MCTP2: variants seen among roughly 807,000 people sequenced by gnomAD.
The protein encoded by MCTP2 is multiple C2 and transmembrane domain containing 2.
Under a neutral mutation model 111.6 loss-of-function variants are expected in MCTP2, and 132 were observed. The observed-to-expected ratio is 1.18, with a 90% confidence interval of 1.03 to 1.37. MCTP2 has a LOEUF of 1.37. Among genes scored for constraint, MCTP2 ranks in the 40% most tolerant of loss-of-function variants. The pLI is 0.00. For synonymous variants in MCTP2, 395 were observed against 387.7 expected, an observed-to-expected ratio of 1.02 and a Z score of -0.22; for missense variants, 1,183 against 1,067.9, an observed-to-expected ratio of 1.11 and a Z score of -1.50.
At chr15:94,408,043 CT>C (rs201619501) in intron 17 of MCTP2, among the ~76,000 whole-genome samples, 2,825 of 152,264 alleles carry the variant, frequency 0.019, 48 homozygotes, top group Middle Eastern at 0.041. Context: ...GGTCAAATGT[CT>C]TTTTGATGCT....
intron 10 of MCTP2, among the ~76,000 whole-genome samples, chr15:94,361,231 C>G (rs187561727): frequency 3.1e-4 from 47 of 151,428 alleles, no homozygotes; most frequent in Non-Finnish European, 2.9e-4. Context: ...TATCGTAACT[C>G]TCCTCTCCAA....
chr15:94,318,196 T>A (rs1469159604), intron 4 of MCTP2, among the ~76,000 whole-genome samples: 2 of 152,132 alleles, frequency 1.3e-5, no homozygotes, highest in African/African-American at 4.8e-5. Flanking sequence ...AGAGTGTGTA[T>A]TTTACATTAC....
intron 14 of MCTP2, among the ~76,000 whole-genome samples, chr15:94,386,792 A>C (rs999216430): frequency 2.0e-5 from 3 of 148,344 alleles, no homozygotes; most frequent in African/African-American, 7.3e-5. Context: ...TTGCTTGGTG[A>C]ACATGACTTA....
chr15:94,319,357 C>G lies in MCTP2; in HGVS notation c.637+3720C>G, dbSNP rs925452015. On this transcript the variant is annotated intron_variant, in intron 4 of 22. Coordinates refer to ENST00000357742, the MANE Select transcript of MCTP2 (RefSeq NM_001385001.1). ...ATACAGCATTATTTTCTACAAAACC[C>G]AACCCAGACTCAGAAGTTTTATCTA... 3.9e-5 allele frequency among the ~76,000 whole-genome samples: 6 copies of G among 152,288 alleles called. No homozygotes were observed. The South Asian group carries it at 1.2e-3, about 32-fold the overall frequency.
intron 19 of MCTP2, among the ~76,000 whole-genome samples, chr15:94,444,645 ATAT>A (rs1252990621): frequency 6.6e-6 from 1 of 152,214 alleles, no homozygotes; most frequent in East Asian, 1.9e-4. Context: ...ACCAAACCAA[ATAT>A]TATAGCAAAA....
chr15:94,242,026 G>T (rs2071004766), intron 1 of MCTP2, among the ~76,000 whole-genome samples: 1 of 152,110 alleles, frequency 6.6e-6, no homozygotes, highest in African/African-American at 2.4e-5. Context: ...GGAGAGAAAA[G>T]GTTCCAAATT....
intron 1 of MCTP2, among the ~76,000 whole-genome samples, chr15:94,289,145 G>A (rs2074914376): frequency 6.6e-6 from 1 of 152,156 alleles, no homozygotes. Flanking sequence ...AAGAAGCTAA[G>A]CTAACCCCAA....
At chr15:94,460,802 G>C (rs1236253442) in intron 20 of MCTP2, among the ~76,000 whole-genome samples, 1 of 152,192 alleles carries the variant, frequency 6.6e-6, no homozygotes, top group Non-Finnish European at 1.5e-5. Flanking sequence ...GCACAGGAAG[G>C]CTGCTAAGGC....
intron 16 of MCTP2, among the ~76,000 whole-genome samples, chr15:94,400,511 C>A (rs2152474239): frequency 6.6e-6 from 1 of 152,144 alleles, no homozygotes; most frequent in Non-Finnish European, 1.5e-5. Flanking sequence ...ATACTGAATG[C>A]AAGTTCTCTC....
At chr15:94,310,953 A>C (rs2076100128) in intron 2 of MCTP2, among the ~76,000 whole-genome samples, 1 of 151,488 alleles carries the variant, frequency 6.6e-6, no homozygotes, top group South Asian at 2.1e-4. Context: ...AAAACAAACA[A>C]ACAAACATAA....
In MCTP2 at chr15:94,339,424, C is replaced by T. The variant is rs777266313; in HGVS notation, c.772C>T (p.Arg258Cys). 1.3e-5 allele frequency: 20 copies of T among 1,594,820 alleles called. No individual in the cohort carries two copies. The highest frequency in any genetic ancestry group is 9.1e-5 in the South Asian group (8 of 88,210). ...LPIQSLDQKL[R>C]VKVYDRDLTT... ...AATCCAAAGCCTTGATCAAAAGCTA[C>T]GTGTGAAGGTAATCACAGATAGCTT... The change falls in exon 5 of 23, where the codon CGT becomes TGT. Residue 258 changes from arginine (R) to cysteine (C), a missense_variant. Transcript: ENST00000357742.
At chr15:94,351,406 A>G (rs2078294884) in intron 8 of MCTP2, among the ~76,000 whole-genome samples, 1 of 152,206 alleles carries the variant, frequency 6.6e-6, no homozygotes, top group Non-Finnish European at 1.5e-5. Flanking sequence ...TTTCAGTGAA[A>G]CATTTTATAG....
intron 1 of MCTP2, among the ~76,000 whole-genome samples, chr15:94,244,832 A>C (rs1295640126): frequency 1.4e-5 from 2 of 138,658 alleles, no homozygotes; most frequent in Non-Finnish European, 3.1e-5. Flanking sequence ...ATATGCACCT[A>C]TGTTTATATA....
At position 94,367,602 on chromosome 15, in the gene MCTP2, T is replaced by C; in HGVS notation, c.1302-3T>C. On this transcript the variant is annotated splice_polypyrimidine_tract_variant and splice_region_variant and intron_variant, in intron 10 of 22. Coordinates refer to ENST00000357742, the MANE Select transcript of MCTP2 (RefSeq NM_001385001.1). Reference sequence around the variant, plus strand: ...TCTCTCTTGATTCCTGAAACTTTTCTAGGTGTAAAGTGGATATCTCGGCAC... The same window carrying C: ...TCTCTCTTGATTCCTGAAACTTTTCCAGGTGTAAAGTGGATATCTCGGCAC... 6.2e-7 allele frequency: 1 copy of C among 1,604,316 alleles called. No individual in the cohort carries two copies. Among genetic ancestry groups the C allele is most frequent in the African/African-American group, 1.3e-5 (1 of 74,182 alleles).
At chr15:94,461,978 G>A (rs1458610287) in intron 20 of MCTP2, among the ~76,000 whole-genome samples, 2 of 152,234 alleles carry the variant, frequency 1.3e-5, no homozygotes, top group East Asian at 1.9e-4. Context: ...ACACAGGCTA[G>A]TGTAGAACCA....
At chr15:94,385,966 C>T (rs2080446413) in intron 14 of MCTP2, among the ~76,000 whole-genome samples, 1 of 152,084 alleles carries the variant, frequency 6.6e-6, no homozygotes, top group African/African-American at 2.4e-5. Flanking sequence ...GACCATTTTC[C>T]CAAAAGTTCT....
intron 8 of MCTP2, among the ~76,000 whole-genome samples, chr15:94,351,994 C>T (rs950339652): frequency 1.1e-4 from 16 of 152,222 alleles, no homozygotes; most frequent in African/African-American, 3.6e-4. Flanking sequence ...CATCCTTCCT[C>T]AGTTTCCTCT....
chr15:94,361,068 T>A (rs979882429), intron 10 of MCTP2, among the ~76,000 whole-genome samples: 2 of 149,678 alleles, frequency 1.3e-5, no homozygotes, highest in Admixed American at 6.7e-5. Context: ...TCCTGGCTAT[T>A]GTTTAAATAT....
rs62016159 is a variant in MCTP2, at chr15:94,424,629, T to G, written c.2086-15547T>G. 7.5e-3 allele frequency among the ~76,000 whole-genome samples: 1,146 copies of G among 152,308 alleles called. 4 individuals are homozygous for G. The highest frequency in any genetic ancestry group is 0.013 in the Non-Finnish European group (905 of 68,032). The stretch of plus-strand genomic sequence containing the variant: ...ACTAGGTTTTGGGATATACAGTTTC[T>G]GCTTCATTAGTTAATGCCAACCATT... On this transcript the variant is annotated intron_variant, in intron 17 of 22. Transcript: ENST00000357742.
Sources: allele counts gnomAD v4.1 joint callset (sites outside exome capture counted in the v4.1 genomes callset), GRCh38; gene constraint gnomAD v4.1.1; transcripts MANE v1.5; gene names NCBI Gene and HGNC (gene_info 2026-07-23, HGNC 2026-07-21).